The following PLD1 variants were observed in gnomAD, a reference collection of about 807,000 sequenced individuals.
The protein encoded by PLD1 is phospholipase D1.
Under a neutral mutation model 137.1 loss-of-function variants are expected in PLD1, and 112 were observed. That is an observed-to-expected ratio of 0.82 (90% CI 0.70 to 0.96). PLD1 has a LOEUF of 0.96. Among genes scored for constraint, PLD1 ranks in the 40% least tolerant of loss-of-function variants. The pLI is 0.00. For synonymous variants in PLD1, 431 were observed against 454.7 expected (o/e 0.95, Z 0.66); for missense variants, 1,321 against 1,342.0 (o/e 0.98, Z 0.24).
chr3:171,629,813 G>T (rs934650734), intron 23 of PLD1, among the ~76,000 whole-genome samples: 9 of 152,132 alleles, frequency 5.9e-5, no homozygotes, highest in South Asian at 2.1e-4. Flanking sequence ...TAGCCATATG[G>T]AGAAAGCTGA....
intron 22 of PLD1, among the ~76,000 whole-genome samples, chr3:171,643,807 G>T (rs1322931907): frequency 6.6e-6 from 1 of 151,964 alleles, no homozygotes; most frequent in African/African-American, 2.4e-5. Flanking sequence ...AAGTATATAG[G>T]CCAAAGCACA....
At chr3:171,747,721 G>A (rs937504244) in intron 1 of PLD1, among the ~76,000 whole-genome samples, 12 of 152,086 alleles carry the variant, frequency 7.9e-5, no homozygotes, top group African/African-American at 2.9e-4. Flanking sequence ...TGATCCAGGT[G>A]GTTTGCATGC....
intron 8 of PLD1, among the ~76,000 whole-genome samples, chr3:171,721,083 T>A (rs1320636155): frequency 5.3e-5 from 8 of 152,172 alleles, no homozygotes; most frequent in Non-Finnish European, 1.2e-4. Context: ...CAGAACTCCA[T>A]GAGGGCAGAG....
At chr3:171,732,530 C>T (rs1308167657) in intron 6 of PLD1, among the ~76,000 whole-genome samples, 6 of 152,204 alleles carry the variant, frequency 3.9e-5, no homozygotes, top group Admixed American at 2.0e-4. Context: ...ATGAGAAACT[C>T]GCAGAGCCAA....
chr3:171,637,433 C>T (rs930336158), intron 23 of PLD1, among the ~76,000 whole-genome samples: 1 of 151,822 alleles, frequency 6.6e-6, no homozygotes, highest in East Asian at 1.9e-4. Flanking sequence ...ATGGGTTTCA[C>T]CATGTTGGCC....
At chr3:171,721,951 T>A (rs962435647) in intron 8 of PLD1, among the ~76,000 whole-genome samples, 1 of 152,166 alleles carries the variant, frequency 6.6e-6, no homozygotes, top group Admixed American at 6.5e-5. Context: ...TAAATCGGTG[T>A]GTGTAAAGGT....
intron 5 of PLD1, 83 bp downstream of exon 5, chr3:171,734,782 C>T: frequency 1.3e-6 from 1 of 795,864 alleles, no homozygotes; most frequent in Non-Finnish European, 2.1e-6. Flanking sequence ...TGTAGCCAGG[C>T]CTACTTCACC....
chr3:171,709,746 A>T, intron 9 of PLD1, 37 bp from the exon 10 acceptor site: 1 of 1,583,318 alleles, frequency 6.3e-7, no homozygotes, highest in Non-Finnish European at 8.6e-7. Context: ...AAGACTGGTC[A>T]CTCTGTTCTA....
At chr3:171,776,026 C>A (rs1722580020) in intron 1 of PLD1, among the ~76,000 whole-genome samples, 1 of 152,138 alleles carries the variant, frequency 6.6e-6, no homozygotes, top group Non-Finnish European at 1.5e-5. Flanking sequence ...CACGTGACTC[C>A]ACACCCTAAA....
chr3:171,642,699 ATACTT>A, intron 23 of PLD1, 136 bp downstream of exon 23: 1 of 572,666 alleles, frequency 1.7e-6, no homozygotes. Context: ...ATGAGAATAA[ATACTT>A]TATTACAGGT....
intron 16 of PLD1, 99 bp from the exon 17 acceptor site, chr3:171,677,793 T>G: frequency 8.4e-7 from 1 of 1,192,262 alleles, no homozygotes; most frequent in Non-Finnish European, 1.2e-6. Flanking sequence ...AGCTTCTTAA[T>G]TTCTTAAGAC....
In PLD1 at chr3:171,677,679, C is replaced by A. The variant is rs773129215; in HGVS notation, c.1883G>T (p.Arg628Leu). 1.9e-6 allele frequency: 3 copies of A among 1,613,876 alleles called. No individual in the cohort carries two copies. In the Admixed American group the frequency reaches 5.0e-5, roughly 27 times the overall value. ...CTCTCCCACACCTGTCTGTAAACTA[C>A]GGATGGACCCGGTATCTGTGAATGC... is the stretch of plus-strand genomic sequence containing the variant. ...TRPHADTGSI[R>L]SLQTGVGELH... is the part of the protein sequence containing the mutation. Residue 628 changes from arginine (R) to leucine (L), a missense_variant, in exon 17 of 27, where the codon CGT (arginine) becomes CTT (leucine). Physicochemically the swap from Arg to Leu is moderately radical, Grantham distance 102. Transcript: ENST00000351298.
chr3:171,802,406 A>T (rs1242593866), intron 1 of PLD1, among the ~76,000 whole-genome samples: 1 of 152,202 alleles, frequency 6.6e-6, no homozygotes, highest in African/African-American at 2.4e-5. Context: ...TGGTCAGGGA[A>T]AAAACCTTTC....
At chr3:171,711,817 TAAAAAAAAAAAAAA>T (rs36106956) in intron 9 of PLD1, among the ~76,000 whole-genome samples, 1 of 99,206 alleles carries the variant, frequency 1.0e-5, no homozygotes, top group African/African-American at 4.0e-5. Flanking sequence ...TTATAAATGC[TAAAAAAAAAAAAAA>T]AAAAAAAAAA....
intron 17 of PLD1, among the ~76,000 whole-genome samples, chr3:171,677,322 G>A (rs1212957384): frequency 6.6e-6 from 1 of 151,942 alleles, no homozygotes; most frequent in Non-Finnish European, 1.5e-5. Flanking sequence ...CCCAAAATAT[G>A]CCTATAAAAA....
intron 11 of PLD1, among the ~76,000 whole-genome samples, chr3:171,707,725 CT>C (rs1199129383): frequency 3.3e-5 from 5 of 152,162 alleles, no homozygotes; most frequent in Non-Finnish European, 7.4e-5. Flanking sequence ...CAACTGGGAA[CT>C]TACTACTGGT....
intron 16 of PLD1, among the ~76,000 whole-genome samples, chr3:171,685,060 C>G (rs1299163089): frequency 1.3e-5 from 2 of 152,204 alleles, no homozygotes; most frequent in Non-Finnish European, 2.9e-5. Context: ...ACATGCGGCC[C>G]GGGATGGCTT....
intron 11 of PLD1, among the ~76,000 whole-genome samples, chr3:171,700,029 GTTCT>G (rs939441305): frequency 2.1e-5 from 3 of 145,530 alleles, no homozygotes; most frequent in Admixed American, 6.7e-5. Context: ...ATCAATCTTA[GTTCT>G]TTCTCTCTCT....
chr3:171,808,419 C>G (rs1243958386), intron 1 of PLD1, among the ~76,000 whole-genome samples: 3 of 152,060 alleles, frequency 2.0e-5, no homozygotes, highest in Non-Finnish European at 4.4e-5. Flanking sequence ...GCCTGTTTTC[C>G]CAGCTACTCA....
Sources: allele counts gnomAD v4.1 joint callset (sites outside exome capture counted in the v4.1 genomes callset), GRCh38; gene constraint gnomAD v4.1.1; transcripts MANE v1.5; gene names NCBI Gene and HGNC (gene_info 2026-07-23, HGNC 2026-07-21).